Variants in SEM1 observed in about 807,000 individuals in gnomAD.
SEM1 encodes the protein 26S proteasome complex subunit SEM1.
In SEM1, 3 loss-of-function variants were observed where a neutral mutation model predicts 12.7. The observed-to-expected ratio is 0.24, with a 90% CI of 0.11 to 0.61. SEM1 has a LOEUF of 0.61. SEM1 is among the 20% of genes least tolerant of loss of function. The pLI is 0.88. For synonymous variants in SEM1, 30 were observed against 27.8 expected, an observed-to-expected ratio of 1.08 and a Z score of -0.25; for missense variants, 59 against 81.3, an observed-to-expected ratio of 0.73 and a Z score of 1.06.
At chr7:96,489,435 C>T (rs1448667671) in intron 1 of SEM1, among the ~76,000 whole-genome samples, 1 of 152,088 alleles carries the variant, frequency 6.6e-6, no homozygotes, top group Non-Finnish European at 1.5e-5. Context: ...GATGCTGATG[C>T]TAATGAAGAC....
chr7:96,500,444 A>C (rs1347618290), upstream of SEM1, among the ~76,000 whole-genome samples: 2 of 152,034 alleles, frequency 1.3e-5, no homozygotes, highest in African/African-American at 4.8e-5. Flanking sequence ...CCAAATAATC[A>C]AGTCTATATG....
At chr7:96,497,472 A>G (rs2117248831), upstream of SEM1, among the ~76,000 whole-genome samples, 1 of 152,334 alleles carries the variant, frequency 6.6e-6, no homozygotes, top group South Asian at 2.1e-4. Flanking sequence ...TGATACATGT[A>G]TTTAATAACA....
At chr7:96,525,735 T>A (rs1310262023) in intron 2 of SEM1, among the ~76,000 whole-genome samples, 1 of 152,160 alleles carries the variant, frequency 6.6e-6, no homozygotes, top group East Asian at 1.9e-4. Flanking sequence ...CCAGAATTAC[T>A]GCCTGAGCTC....
At chr7:96,489,815 C>T (rs1332019745) in intron 1 of SEM1, among the ~76,000 whole-genome samples, 1 of 152,176 alleles carries the variant, frequency 6.6e-6, no homozygotes, top group Admixed American at 6.5e-5. Context: ...ATGCACATGG[C>T]CTCTGTGTAT....
chr7:96,602,208 A>C (rs1212614937), intron 2 of SEM1, among the ~76,000 whole-genome samples: 2 of 152,252 alleles, frequency 1.3e-5, no homozygotes, highest in Admixed American at 6.5e-5. Flanking sequence ...TAATGACATA[A>C]GCCTGAATAA....
chr7:96,642,551 A>T (rs1186624047), intron 2 of SEM1, among the ~76,000 whole-genome samples: 1 of 151,702 alleles, frequency 6.6e-6, no homozygotes, highest in Admixed American at 6.6e-5. Flanking sequence ...AAAAGTTATC[A>T]AATTAGTCCT....
chr7:96,581,051 A>G (rs1048396326), intron 2 of SEM1, among the ~76,000 whole-genome samples: 1 of 152,218 alleles, frequency 6.6e-6, no homozygotes, highest in African/African-American at 2.4e-5. Context: ...GCCCATGCCT[A>G]TGTCCTGAAT....
intron 1 of SEM1, among the ~76,000 whole-genome samples, chr7:96,486,748 C>T (rs1459677721): frequency 6.6e-6 from 1 of 152,202 alleles, no homozygotes; most frequent in East Asian, 1.9e-4. Flanking sequence ...AAAAGCTGCA[C>T]ATGAGGCAAC....
chr7:96,556,521 C>T (rs1281555229), intron 2 of SEM1, among the ~76,000 whole-genome samples: 1 of 152,130 alleles, frequency 6.6e-6, no homozygotes, highest in Admixed American at 6.5e-5. Flanking sequence ...TATTGGCCCC[C>T]ACTCTCTTCT....
intron 3 of SEM1, chr7:96,484,082 G>T: frequency 8.5e-7 from 1 of 1,173,408 alleles, no homozygotes; most frequent in Non-Finnish European, 1.2e-6. Context: ...AACCCTATAG[G>T]GTAGATCCAA....
intron 2 of SEM1, among the ~76,000 whole-genome samples, chr7:96,519,421 C>T (rs1237305007): frequency 6.6e-6 from 1 of 152,012 alleles, no homozygotes; most frequent in East Asian, 1.9e-4. Context: ...GAGTAAATTA[C>T]ACAGTATTTT....
intron 3 of SEM1, chr7:96,484,745 C>T: frequency 1.3e-6 from 1 of 791,084 alleles, no homozygotes; most frequent in Non-Finnish European, 1.8e-6. Context: ...ATTTCACTGG[C>T]ATCACTGGGT....
chr7:96,545,297 T>C (rs1805073152), intron 2 of SEM1, among the ~76,000 whole-genome samples: 2 of 152,018 alleles, frequency 1.3e-5, no homozygotes, highest in Admixed American at 1.3e-4. Context: ...TTACTAATTT[T>C]ATTTAAAGAG....
intron 2 of SEM1, among the ~76,000 whole-genome samples, chr7:96,587,922 G>A (rs17167649): frequency 0.042 from 6,321 of 152,210 alleles, 341 homozygotes; most frequent in Admixed American, 0.14. Context: ...AAAGCTAGAT[G>A]AAATGAGTTC....
chr7:96,548,017 A>G (rs551563782), intron 2 of SEM1, among the ~76,000 whole-genome samples: 1 of 152,262 alleles, frequency 6.6e-6, no homozygotes, highest in Non-Finnish European at 1.5e-5. Flanking sequence ...GGCAAAAAAT[A>G]AAAAAAGGAT....
chr7:96,496,369 T>G, upstream of SEM1: 1 of 1,183,630 alleles, frequency 8.4e-7, no homozygotes, highest in Non-Finnish European at 1.2e-6. Flanking sequence ...ATTATTCAAA[T>G]GTAATATAAA....
chr7:96,486,167 T>G (rs926870687), intron 2 of SEM1: 1 of 1,287,742 alleles, frequency 7.8e-7, no homozygotes, highest in Non-Finnish European at 1.0e-6. Context: ...TTTTCTACCT[T>G]TTTTTTTTTT....
chr7:96,703,331 T>C (rs181966911), intron 1 of SEM1, among the ~76,000 whole-genome samples: 1 of 152,320 alleles, frequency 6.6e-6, no homozygotes, highest in East Asian at 1.9e-4. Flanking sequence ...ACTATGTCCT[T>C]GTAGGAAATA....
chr7:96,507,834 G>C (rs764895412), intron 2 of SEM1, among the ~76,000 whole-genome samples: 1 of 151,974 alleles, frequency 6.6e-6, no homozygotes, highest in Non-Finnish European at 1.5e-5. Context: ...TTGAGAGGGC[G>C]TCTCAGAATT....
Sources: gnomAD v4.1 joint callset for allele counts (sites outside exome capture counted in the v4.1 genomes callset) on GRCh38, gnomAD v4.1.1 for gene constraint, MANE v1.5 for transcripts, NCBI Gene and HGNC (gene_info 2026-07-23, HGNC 2026-07-21) for gene names.